The following PPP2R3A variants were observed in gnomAD, a reference collection of about 807,000 sequenced individuals.
PPP2R3A encodes protein phosphatase 2 regulatory subunit B''alpha.
In PPP2R3A, 80 loss-of-function variants were observed where a neutral mutation model predicts 106.9. That is an observed-to-expected ratio of 0.75 (90% CI 0.62 to 0.90). PPP2R3A has a LOEUF of 0.90. Among genes scored for constraint, PPP2R3A ranks in the 40% least tolerant of loss-of-function variants. The pLI, the probability that PPP2R3A is intolerant of heterozygous loss-of-function variation, is 0.00. For missense variants in PPP2R3A, 1,386 were observed against 1,350.4 expected (o/e 1.03, Z -0.41); for synonymous variants, 483 against 468.3 (o/e 1.03, Z -0.41).
chr3:135,980,999 T>C (rs1196159166), intron 1 of PPP2R3A, among the ~76,000 whole-genome samples: 1 of 151,864 alleles, frequency 6.6e-6, no homozygotes, highest in East Asian at 1.9e-4. Context: ...TGTATGTCAC[T>C]TTGCCTAAAG....
In PPP2R3A at chr3:136,000,941, T is replaced by C. The variant is rs144580225; in HGVS notation, c.-440-118T>C. The C allele has an allele frequency of 4.4e-5, 17 of 383,042 alleles. No individual in the cohort carries two copies. The East Asian group carries it at 5.2e-4, about 12-fold the overall frequency. 23.7% of individuals were successfully genotyped at this position (383,042 alleles called of 1,614,324 possible). On this transcript the variant is annotated intron_variant, in intron 1 of 13. Coordinates refer to ENST00000264977, the MANE Select transcript of PPP2R3A (RefSeq NM_002718.5). ...AAAGGCATGAGTTGAATATCAGCTGTAAGGGATATTGCAGATAATAAAGCG... is the reference window on the plus strand; with the variant it reads ...AAAGGCATGAGTTGAATATCAGCTGCAAGGGATATTGCAGATAATAAAGCG...
chr3:135,979,208 G>A lies in PPP2R3A; in HGVS notation c.-441+13359G>A, dbSNP rs145795908. Among the ~76,000 whole-genome samples the A allele has an allele frequency of 8.7e-4, 132 of 151,500 alleles. 1 individual carries two copies. Among genetic ancestry groups the A allele is most frequent in the Non-Finnish European group, 1.6e-3 (109 of 67,964 alleles). On this transcript the variant is annotated intron_variant, in intron 1 of 13. Transcript: ENST00000264977. Reference sequence around the variant, plus strand: ...AGCCTGGCCAACATGGTGAAACCCCGTCTCTACTAAAAATACGAAAATTAG... The same window carrying A: ...AGCCTGGCCAACATGGTGAAACCCCATCTCTACTAAAAATACGAAAATTAG...
At chr3:135,998,380 G>A (rs543079447) in intron 1 of PPP2R3A, among the ~76,000 whole-genome samples, 1 of 152,282 alleles carries the variant, frequency 6.6e-6, no homozygotes, top group East Asian at 1.9e-4. Context: ...AGTGAACAAT[G>A]ACAAAATGTC....
At chr3:136,036,825 C>T (rs1268685390) in intron 3 of PPP2R3A, among the ~76,000 whole-genome samples, 2 of 152,188 alleles carry the variant, frequency 1.3e-5, no homozygotes, top group Non-Finnish European at 2.9e-5. Flanking sequence ...TTTATTACTC[C>T]TAATTCTCTT....
At chr3:136,022,692 C>G in intron 2 of PPP2R3A, 2 of 908,428 alleles carry the variant, frequency 2.2e-6, no homozygotes, top group Non-Finnish European at 2.7e-6. Flanking sequence ...TTAGGTCCAG[C>G]TGTAATGTTT....
At chr3:136,053,856 C>T (rs1369514105) in intron 5 of PPP2R3A, among the ~76,000 whole-genome samples, 2 of 152,086 alleles carry the variant, frequency 1.3e-5, no homozygotes, top group African/African-American at 4.8e-5. Context: ...CTTATATTTC[C>T]ACAGAGGAAA....
At position 136,122,584 on chromosome 3, in the gene PPP2R3A, A is replaced by G. The variant is rs553346934; in HGVS notation, c.3329+16262A>G. The stretch of plus-strand genomic sequence containing the variant: ...ATGAAGTTCAGACCGATATTATTCA[A>G]GGGTCAACTGTATATATTAGGAAGA... On this transcript the variant is annotated intron_variant, in intron 13 of 13. Transcript: ENST00000264977. Among the ~76,000 whole-genome samples, 7 of 152,358 alleles carry G rather than the reference A, an allele frequency of 4.6e-5. No individual in the cohort carries two copies. In the South Asian group the frequency reaches 1.4e-3, roughly 32 times the overall value.
intron 5 of PPP2R3A, among the ~76,000 whole-genome samples, chr3:136,067,925 CAG>C (rs752025748): frequency 5.9e-5 from 9 of 152,186 alleles, no homozygotes; most frequent in African/African-American, 1.4e-4. Flanking sequence ...CATAAAAACA[CAG>C]GGGCATATCA....
intron 6 of PPP2R3A, 50 bp from the exon 7 acceptor site, chr3:136,078,317 G>C: frequency 7.7e-7 from 1 of 1,292,138 alleles, no homozygotes; most frequent in Admixed American, 1.8e-5. Flanking sequence ...TGAGAAAGTA[G>C]TGGAGATCTT....
Position 136,136,061 on chromosome 3 carries a change from AAAAAAAAAAAAATTATAT to A in PPP2R3A, c.3330-8980_3330-8963del, listed in dbSNP as rs1251902324. Among the ~76,000 whole-genome samples, 89 of 47,324 alleles carry A rather than the reference AAAAAAAAAAAAATTATAT, an allele frequency of 1.9e-3. No homozygotes were observed. The East Asian group carries it at 0.021, about 11-fold the overall frequency. The allele number at this position is 47,324 out of a possible 152,430, so 31.0% of individuals were successfully genotyped here. On this transcript the variant is annotated intron_variant, in intron 13 of 13. Transcript: ENST00000264977. ...ACTCCGTCTCAAAAAAAAAAAAAAA[AAAAAAAAAAAAATTATAT>A]ATATATATATATATAAAAAACATCA...
intron 1 of PPP2R3A, among the ~76,000 whole-genome samples, chr3:135,973,101 A>G (rs1937292919): frequency 6.6e-6 from 1 of 152,056 alleles, no homozygotes; most frequent in Non-Finnish European, 1.5e-5. Context: ...GTGGATTTTG[A>G]GTTAATTATT....
chr3:136,111,888 C>G (rs1463244965), intron 13 of PPP2R3A, among the ~76,000 whole-genome samples: 1 of 151,996 alleles, frequency 6.6e-6, no homozygotes, highest in Non-Finnish European at 1.5e-5. Context: ...CACACAAAAA[C>G]CCACAACAAA....
intron 1 of PPP2R3A, among the ~76,000 whole-genome samples, chr3:135,966,176 T>A (rs1485819870): frequency 6.6e-6 from 1 of 152,076 alleles, no homozygotes; most frequent in Non-Finnish European, 1.5e-5. Flanking sequence ...CTCCCACTTT[T>A]CAGGGCTCCT....
intron 1 of PPP2R3A, among the ~76,000 whole-genome samples, chr3:135,981,918 G>A (rs1359775871): frequency 6.6e-6 from 1 of 151,672 alleles, no homozygotes; most frequent in African/African-American, 2.4e-5. Context: ...TGTTCAAAAT[G>A]CATTTAAACA....
chr3:135,970,201 G>A (rs1487082930), intron 1 of PPP2R3A, among the ~76,000 whole-genome samples: 3 of 152,182 alleles, frequency 2.0e-5, no homozygotes, highest in Non-Finnish European at 4.4e-5. Context: ...AAGGGCTCAG[G>A]CCCAGCATTT....
intron 1 of PPP2R3A, among the ~76,000 whole-genome samples, chr3:135,980,472 A>G (rs941998922): frequency 4.6e-5 from 7 of 151,650 alleles, no homozygotes; most frequent in African/African-American, 1.5e-4. Context: ...TGGTAAGTGT[A>G]TAATAGAAAA....
At chr3:136,061,585 G>A (rs760025382) in intron 5 of PPP2R3A, among the ~76,000 whole-genome samples, 4 of 151,768 alleles carry the variant, frequency 2.6e-5, no homozygotes, top group South Asian at 2.1e-4. Flanking sequence ...CTGAGATTGC[G>A]CCAGTGCACT....
chr3:136,035,792 T>A (rs566936508), intron 3 of PPP2R3A, among the ~76,000 whole-genome samples: 215 of 152,336 alleles, frequency 1.4e-3, no homozygotes, highest in African/African-American at 4.8e-3. Flanking sequence ...CTGGGGAAGT[T>A]TTCCTCAATT....
intron 13 of PPP2R3A, among the ~76,000 whole-genome samples, chr3:136,136,803 A>G (rs1157164270): frequency 6.6e-6 from 1 of 152,230 alleles, no homozygotes; most frequent in Non-Finnish European, 1.5e-5. Context: ...AATCACAGGT[A>G]GCCATTGTGC....
Sources: gnomAD v4.1 joint callset for allele counts (sites outside exome capture counted in the v4.1 genomes callset) on GRCh38, gnomAD v4.1.1 for gene constraint, MANE v1.5 for transcripts, NCBI Gene and HGNC (gene_info 2026-07-23, HGNC 2026-07-21) for gene names.